Variants in CNTNAP2 observed in about 807,000 individuals in gnomAD.
The protein encoded by CNTNAP2 is contactin-associated protein-like 2.
CNTNAP2 carries 98 observed loss-of-function variants against 155.2 expected under a neutral mutation model. That is an observed-to-expected ratio of 0.63 (90% CI 0.54 to 0.75). The LOEUF is 0.75. CNTNAP2 is among the 30% of genes least tolerant of loss of function. The probability of loss-of-function intolerance (pLI) is 0.00; values close to 1 mark genes in which losing one functional copy is unlikely to be tolerated. For synonymous variants in CNTNAP2, 651 were observed against 631.2 expected (o/e 1.03, Z -0.47); for missense variants, 1,727 against 1,688.1 (o/e 1.02, Z -0.40).
chr7:146,864,459 C>T (rs13438328), intron 3 of CNTNAP2, among the ~76,000 whole-genome samples: 11,415 of 152,152 alleles, frequency 0.075, 676 homozygotes, highest in African/African-American at 0.16. Context: ...TATAAAAACT[C>T]ACAGCTGATG....
intron 3 of CNTNAP2, among the ~76,000 whole-genome samples, chr7:146,862,950 C>T (rs893149811): frequency 1.3e-5 from 2 of 152,130 alleles, no homozygotes; most frequent in Admixed American, 6.6e-5. Context: ...CTTGAGTCAA[C>T]CTTCATGCAT....
At position 146,950,739 on chromosome 7, in the gene CNTNAP2, T is replaced by C. The variant is rs976198325; in HGVS notation, c.403-93168T>C. Among the ~76,000 whole-genome samples the C allele has an allele frequency of 3.7e-4, 57 of 152,292 alleles. 2 individuals carry two copies. Among genetic ancestry groups the C allele is most frequent in the South Asian group, 2.1e-4 (1 of 4,834 alleles). On this transcript the variant is annotated intron_variant, in intron 3 of 23. Coordinates refer to ENST00000361727, the MANE Select transcript of CNTNAP2 (RefSeq NM_014141.6). Reference sequence around the variant, plus strand: ...TCCAAGTCTTTGCTATTGTGGATAGTGCTGCAATAAACAGACTTGTGCATG... The same window carrying C: ...TCCAAGTCTTTGCTATTGTGGATAGCGCTGCAATAAACAGACTTGTGCATG...
chr7:147,415,342 C>A lies in CNTNAP2; in HGVS notation c.1670+19562C>A, dbSNP rs67680914. On this transcript the variant is annotated intron_variant, in intron 10 of 23. Transcript: ENST00000361727. Reference sequence around the variant, plus strand: ...GATAAGGTTAGGCTTTGTGTCCCTACCCAAATCTCATCTTGAATTGTCATC... The same window carrying A: ...GATAAGGTTAGGCTTTGTGTCCCTAACCAAATCTCATCTTGAATTGTCATC... 8.3e-3 allele frequency among the ~76,000 whole-genome samples: 1,259 copies of A among 152,314 alleles called. 7 individuals are homozygous for A. Among genetic ancestry groups the A allele is most frequent in the South Asian group, 0.018 (88 of 4,818 alleles).
At chr7:147,331,848 A>C (rs1795576580) in intron 9 of CNTNAP2, among the ~76,000 whole-genome samples, 1 of 152,192 alleles carries the variant, frequency 6.6e-6, no homozygotes. Context: ...ATCAGTTCTC[A>C]AGACTTTTCC....
chr7:147,854,120 A>G (rs905368776), intron 13 of CNTNAP2, among the ~76,000 whole-genome samples: 6 of 152,198 alleles, frequency 3.9e-5, no homozygotes, highest in Non-Finnish European at 7.3e-5. Context: ...CAATTCGGCC[A>G]TTATACCAGC....
At chr7:148,023,178 C>T (rs1485561260) in intron 15 of CNTNAP2, among the ~76,000 whole-genome samples, 1 of 152,122 alleles carries the variant, frequency 6.6e-6, no homozygotes, top group African/African-American at 2.4e-5. Flanking sequence ...CCATTGTTTC[C>T]CTACCCAAAA....
chr7:146,886,461 C>T (rs1301983499), intron 3 of CNTNAP2, among the ~76,000 whole-genome samples: 1 of 151,900 alleles, frequency 6.6e-6, no homozygotes, highest in Non-Finnish European at 1.5e-5. Context: ...CATTTGTGCC[C>T]TGGTATATTC....
chr7:148,339,061 A>G (rs1798175079), intron 21 of CNTNAP2, among the ~76,000 whole-genome samples: 1 of 152,162 alleles, frequency 6.6e-6, no homozygotes, highest in African/African-American at 2.4e-5. Flanking sequence ...CTCTCTGCCA[A>G]TAGCATCAAG....
At chr7:148,083,921 A>T (rs1490906731) in intron 15 of CNTNAP2, among the ~76,000 whole-genome samples, 1 of 152,152 alleles carries the variant, frequency 6.6e-6, no homozygotes, top group African/African-American at 2.4e-5. Context: ...AGAGAAAAAA[A>T]TACCTTCTTT....
At chr7:147,483,822 C>T (rs1461979858) in intron 10 of CNTNAP2, among the ~76,000 whole-genome samples, 1 of 152,176 alleles carries the variant, frequency 6.6e-6, no homozygotes, top group African/African-American at 2.4e-5. Flanking sequence ...TGTGTGTGTT[C>T]CCACGCCTCA....
rs967762960 is a variant in CNTNAP2 at position 147,355,046 on chromosome 7, G to C, written c.1499-40563G>C. On this transcript the variant is annotated intron_variant, in intron 9 of 23. Transcript: ENST00000361727. ...CAAGAAGTTTTTGGGCTGAGACGAT[G>C]GGGTTTTCTAATATAAAATCATGTC... 3.9e-5 allele frequency among the ~76,000 whole-genome samples: 6 copies of C among 152,088 alleles called. No homozygotes were observed. The East Asian group carries it at 1.2e-3, about 30-fold the overall frequency.
chr7:147,759,879 A>G (rs1219872412), intron 13 of CNTNAP2, among the ~76,000 whole-genome samples: 1 of 152,138 alleles, frequency 6.6e-6, no homozygotes, highest in Non-Finnish European at 1.5e-5. Flanking sequence ...TAAGCAACCT[A>G]GACAGACTAG....
At chr7:146,943,757 C>A (rs1797102226) in intron 3 of CNTNAP2, among the ~76,000 whole-genome samples, 1 of 152,048 alleles carries the variant, frequency 6.6e-6, no homozygotes, top group Non-Finnish European at 1.5e-5. Context: ...TGGTGTCATT[C>A]AAGATTTACA....
At chr7:148,279,792 G>T (rs6977567) in intron 21 of CNTNAP2, among the ~76,000 whole-genome samples, 1 of 152,136 alleles carries the variant, frequency 6.6e-6, no homozygotes, top group Non-Finnish European at 1.5e-5. Context: ...ACGCAATGAT[G>T]AAGAAGAACA....
intron 12 of CNTNAP2, among the ~76,000 whole-genome samples, chr7:147,603,809 T>A (rs1801004909): frequency 6.6e-6 from 1 of 152,208 alleles, no homozygotes; most frequent in South Asian, 2.1e-4. Flanking sequence ...TCATGCTACC[T>A]GACTTCAAAC....
At chr7:147,055,854 G>T (rs1024744320) in intron 4 of CNTNAP2, among the ~76,000 whole-genome samples, 6 of 152,122 alleles carry the variant, frequency 3.9e-5, no homozygotes, top group Admixed American at 3.9e-4. Context: ...TTTTATTGGA[G>T]GACATATCCG....
chr7:147,989,278 C>A (rs1801671618), intron 15 of CNTNAP2, among the ~76,000 whole-genome samples: 1 of 152,194 alleles, frequency 6.6e-6, no homozygotes, highest in Non-Finnish European at 1.5e-5. Flanking sequence ...GAATCACACC[C>A]ACCTGGGTCC....
chr7:146,779,949 C>G (rs1563227735), intron 2 of CNTNAP2, among the ~76,000 whole-genome samples: 1 of 152,154 alleles, frequency 6.6e-6, no homozygotes, highest in Non-Finnish European at 1.5e-5. Flanking sequence ...CTACGTGTAT[C>G]TCAAAGAGAA....
At chr7:146,677,871 G>A (rs1051403331) in intron 1 of CNTNAP2, among the ~76,000 whole-genome samples, 3 of 151,982 alleles carry the variant, frequency 2.0e-5, no homozygotes, top group East Asian at 3.9e-4. Context: ...GCCCCCAGAC[G>A]TGGGTGCAGG....
Sources: gnomAD v4.1 joint callset for allele counts (sites outside exome capture counted in the v4.1 genomes callset) on GRCh38, gnomAD v4.1.1 for gene constraint, MANE v1.5 for transcripts, NCBI Gene and HGNC (gene_info 2026-07-23, HGNC 2026-07-21) for gene names.